TLE4: variants seen among roughly 807,000 people sequenced by gnomAD.
TLE4 encodes TLE family member 4, transcriptional corepressor, also known as transducin-like enhancer protein 4.
In TLE4, 8 loss-of-function variants were observed where a neutral mutation model predicts 92.8. The ratio of observed to expected loss-of-function variants is 0.09; its 90% confidence interval spans 0.05 to 0.16. TLE4 has a LOEUF of 0.16. Among genes scored for constraint, TLE4 ranks in the 10% least tolerant of loss-of-function variants. The probability of loss-of-function intolerance (pLI) is 1.00; values close to 1 mark genes in which losing one functional copy is unlikely to be tolerated. For missense variants in TLE4, 675 were observed against 997.6 expected, an observed-to-expected ratio of 0.68 and a Z score of 4.36; for synonymous variants, 371 against 374.1, an observed-to-expected ratio of 0.99 and a Z score of 0.10.
chr9:79,668,140 G>A (rs1175252256), intron 8 of TLE4, among the ~76,000 whole-genome samples: 2 of 152,194 alleles, frequency 1.3e-5, no homozygotes, highest in Non-Finnish European at 2.9e-5. Flanking sequence ...CTAGTTACTG[G>A]GTGGGTTTCA....
At position 79,647,153 on chromosome 9, in the gene TLE4, G is replaced by A. The variant is rs191333897; in HGVS notation, c.391-5440G>A. Reference sequence around the variant, plus strand: ...AAATCTGCATAAAGTCTCTAGTTTGGTGAATAGCAATGAACTGATGTTAAT... The same window carrying A: ...AAATCTGCATAAAGTCTCTAGTTTGATGAATAGCAATGAACTGATGTTAAT... On this transcript the variant is annotated intron_variant, in intron 6 of 19. Coordinates refer to ENST00000376552, the MANE Select transcript of TLE4 (RefSeq NM_007005.6). Among the ~76,000 whole-genome samples, 1,040 of 152,244 alleles carry A rather than the reference G, an allele frequency of 6.8e-3. 13 individuals are homozygous for A. The highest frequency in any genetic ancestry group is 0.023 in the African/African-American group (957 of 41,552).
At chr9:79,578,174 C>G (rs1195714752) in intron 4 of TLE4, among the ~76,000 whole-genome samples, 1 of 152,130 alleles carries the variant, frequency 6.6e-6, no homozygotes, top group African/African-American at 2.4e-5. Flanking sequence ...AGCCTCTCTT[C>G]CAGATGTACT....
chr9:79,723,362 T>C (rs2075939719), intron 19 of TLE4, among the ~76,000 whole-genome samples: 1 of 152,238 alleles, frequency 6.6e-6, no homozygotes. Flanking sequence ...TTTTTAATTT[T>C]AAAACTTGAG....
At chr9:79,711,058 T>C (rs972742232) in intron 14 of TLE4, among the ~76,000 whole-genome samples, 1 of 152,220 alleles carries the variant, frequency 6.6e-6, no homozygotes, top group African/African-American at 2.4e-5. Flanking sequence ...ATCCCTTCAG[T>C]GTTGCCTAAC....
At chr9:79,667,511 T>C (rs565338444) in intron 8 of TLE4, among the ~76,000 whole-genome samples, 4 of 151,954 alleles carry the variant, frequency 2.6e-5, no homozygotes, top group South Asian at 2.1e-4. Flanking sequence ...CATATACACA[T>C]ATATATATGT....
intron 6 of TLE4, among the ~76,000 whole-genome samples, chr9:79,643,162 A>C (rs893388595): frequency 2.0e-5 from 3 of 152,194 alleles, no homozygotes; most frequent in Admixed American, 6.5e-5. Flanking sequence ...TAGTAGAGCA[A>C]ACACTGTATA....
chr9:79,576,367 A>G (rs933303180), intron 4 of TLE4, 190 bp downstream of exon 4: 4 of 374,792 alleles, frequency 1.1e-5, no homozygotes, highest in African/African-American at 8.3e-5. Context: ...CCTAATTTTT[A>G]TAATTTAAAA....
intron 8 of TLE4, among the ~76,000 whole-genome samples, chr9:79,678,209 G>A (rs1427936351): frequency 6.6e-6 from 1 of 152,030 alleles, no homozygotes; most frequent in Admixed American, 6.6e-5. Context: ...AGTTATGTAC[G>A]TGAATCTGCC....
At chr9:79,673,757 A>C (rs1448848630) in intron 8 of TLE4, among the ~76,000 whole-genome samples, 1 of 152,172 alleles carries the variant, frequency 6.6e-6, no homozygotes, top group African/African-American at 2.4e-5. Context: ...ACTTCTTGTC[A>C]ACCACCAAAA....
intron 6 of TLE4, among the ~76,000 whole-genome samples, chr9:79,646,643 C>G (rs2058145135): frequency 1.3e-5 from 2 of 152,062 alleles, no homozygotes; most frequent in African/African-American, 4.8e-5. Context: ...TAGTTCTAGG[C>G]TAGTTCCTAA....
At chr9:79,678,226 A>G (rs2063657312) in intron 8 of TLE4, among the ~76,000 whole-genome samples, 1 of 152,158 alleles carries the variant, frequency 6.6e-6, no homozygotes, top group South Asian at 2.1e-4. Flanking sequence ...TGCCTGTTCA[A>G]TAATTAGTAC....
At chr9:79,594,237 C>T (rs1047800442) in intron 4 of TLE4, among the ~76,000 whole-genome samples, 13 of 152,320 alleles carry the variant, frequency 8.5e-5, no homozygotes, top group African/African-American at 2.9e-4. Context: ...ATGATACTCT[C>T]CATTTCTAAC....
intron 5 of TLE4, among the ~76,000 whole-genome samples, chr9:79,623,060 A>G (rs2051445540): frequency 1.3e-5 from 2 of 152,068 alleles, no homozygotes; most frequent in African/African-American, 4.8e-5. Flanking sequence ...TAAAATTTTA[A>G]TTTATAAAAT....
At chr9:79,703,014 A>T (rs76439999) in intron 8 of TLE4, among the ~76,000 whole-genome samples, 1,550 of 152,210 alleles carry the variant, frequency 0.01, 27 homozygotes, top group African/African-American at 0.035. Context: ...TAAATGTTGT[A>T]TGTTTTTATA....
At position 79,579,664 on chromosome 9, in the gene TLE4, T is replaced by TTG. The variant is rs773021125; in HGVS notation, c.252+3503_252+3504dup. On this transcript the variant is annotated intron_variant, in intron 4 of 19. Coordinates refer to ENST00000376552, the MANE Select transcript of TLE4 (RefSeq NM_007005.6). ...TGTGTATTTTTATATGTGTGTGTATTTGTGTGTGTGTGTGTGTATATATAT... is the reference window on the plus strand; with the variant it reads ...TGTGTATTTTTATATGTGTGTGTATTTGTGTGTGTGTGTGTGTGTATATATAT... 8.6e-3 allele frequency among the ~76,000 whole-genome samples: 1,302 copies of TTG among 151,122 alleles called. 11 individuals are homozygous for TTG. Among genetic ancestry groups the TTG allele is most frequent in the Middle Eastern group, 0.021 (6 of 290 alleles).
At chr9:79,625,245 T>TCCTGACCTCGTGATCCGCCCG in intron 5 of TLE4, among the ~76,000 whole-genome samples, 1 of 151,742 alleles carries the variant, frequency 6.6e-6, no homozygotes, top group Non-Finnish European at 1.5e-5. Flanking sequence ...GGTCTCGATC[T>TCCTGACCTCGTGATCCGCCCG]CCTGACCTCG....
At chr9:79,615,615 G>A (rs866759669) in intron 5 of TLE4, among the ~76,000 whole-genome samples, 8 of 150,974 alleles carry the variant, frequency 5.3e-5, no homozygotes, top group African/African-American at 9.8e-5. Flanking sequence ...TATTGCTTGC[G>A]TCTGGTTTAC....
chr9:79,595,452 T>C (rs766284400), intron 4 of TLE4, among the ~76,000 whole-genome samples: 1 of 152,208 alleles, frequency 6.6e-6, no homozygotes, highest in Non-Finnish European at 1.5e-5. Flanking sequence ...TCCATTGAAC[T>C]AAACGTAGTT....
At chr9:79,644,209 C>G (rs942301278) in intron 6 of TLE4, among the ~76,000 whole-genome samples, 1 of 152,152 alleles carries the variant, frequency 6.6e-6, no homozygotes, top group African/African-American at 2.4e-5. Context: ...TCCCCCTTCA[C>G]TCGGCTCTCA....
Sources: gnomAD v4.1 joint callset for allele counts (sites outside exome capture counted in the v4.1 genomes callset) on GRCh38, gnomAD v4.1.1 for gene constraint, MANE v1.5 for transcripts, NCBI Gene and HGNC (gene_info 2026-07-23, HGNC 2026-07-21) for gene names.